Variants in MYO3A observed in about 807,000 individuals in gnomAD.
MYO3A encodes myosin IIIA, also known as myosin-IIIa.
A neutral mutation model predicts 192.7 loss-of-function variants in MYO3A; 180 were observed. The observed-to-expected ratio is 0.93, with a 90% CI of 0.83 to 1.06. MYO3A has a LOEUF of 1.06. Among genes scored for constraint, MYO3A ranks in the 50% least tolerant of loss-of-function variants. MYO3A has a pLI of 0.00. For missense variants in MYO3A, 1,896 were observed against 1,905.0 expected, an observed-to-expected ratio of 1.00 and a Z score of 0.09; for synonymous variants, 628 against 645.3, an observed-to-expected ratio of 0.97 and a Z score of 0.41.
At position 26,044,187 on chromosome 10, in the gene MYO3A, G is replaced by T. The variant is rs1843512618; in HGVS notation, c.953+17655G>T. Among the ~76,000 whole-genome samples the T allele has an allele frequency of 2.0e-5, 3 of 152,188 alleles. No homozygotes were observed. In the South Asian group the frequency reaches 6.2e-4, roughly 32 times the overall value. On this transcript the variant is annotated intron_variant, in intron 10 of 34. Transcript: ENST00000642920. ...TTACTATGGCTGAGCTGGTATTCAA[G>T]ATGCAAAACAAAGTCCTCTTTACTC...
intron 2 of MYO3A, among the ~76,000 whole-genome samples, chr10:25,937,711 C>A (rs1477651540): frequency 6.8e-6 from 1 of 147,566 alleles, no homozygotes; most frequent in African/African-American, 2.6e-5. Flanking sequence ...GTACTTTTAT[C>A]CTCATAAAGG....
chr10:26,157,191 A>G, intron 25 of MYO3A, 119 bp from the exon 26 acceptor site: 1 of 882,656 alleles, frequency 1.1e-6, no homozygotes. Flanking sequence ...ACTGTGACTA[A>G]TGGGAGCATT....
Position 25,997,175 on chromosome 10 carries a change from A to G in MYO3A, c.425A>G (p.His142Arg), listed in dbSNP as rs780960865. The G allele has an allele frequency of 4.3e-6, 7 of 1,613,240 alleles. No homozygotes were observed. The highest frequency in any genetic ancestry group is 5.9e-6 in the Non-Finnish European group (7 of 1,179,322). Reference protein sequence around the residue: ...HEALMGLQHLHNNKTIHRDVK... With the variant: ...HEALMGLQHLRNNKTIHRDVK... ...ATCTTCTAGGGACTTCAACATTTGC[A>G]TAACAACAAAACTATCCACAGAGAT... is the stretch of plus-strand genomic sequence containing the variant. The change falls in exon 6 of 35, where the codon CAT (histidine) becomes CGT (arginine). Residue 142 changes from histidine to arginine, a missense_variant. Physicochemically the swap from His to Arg is conservative, Grantham distance 29. Coordinates refer to ENST00000642920, the MANE Select transcript of MYO3A (RefSeq NM_017433.5).
intron 10 of MYO3A, among the ~76,000 whole-genome samples, chr10:26,045,622 G>A (rs534627061): frequency 7.9e-5 from 12 of 152,102 alleles, no homozygotes; most frequent in African/African-American, 2.4e-4. Context: ...ATAGTGTTGG[G>A]GTGCTTTAGG....
In MYO3A at chr10:26,173,848, T is replaced by C. The variant is rs35675577; in HGVS notation, c.3584T>C (p.Val1195Ala). Residue 1195 changes from valine (V) to alanine (A), a missense_variant, in exon 30 of 35, where the codon GTG (valine) becomes GCG (alanine). Val to Ala is a moderately conservative substitution (Grantham distance 64, BLOSUM62 0). Transcript: ENST00000642920. ...CAGACTCCAAAAAAAATGAATAATGTGTATGAGGAAGAGGTTAAGCAAGAA... is the reference window on the plus strand; with the variant it reads ...CAGACTCCAAAAAAAATGAATAATGCGTATGAGGAAGAGGTTAAGCAAGAA... ...VYQTPKKMNN[V>A]YEEEVKQEFY... is the part of the protein sequence containing the mutation. 363 of 1,613,798 alleles carry C rather than the reference T, an allele frequency of 2.2e-4. 5 individuals carry two copies. The East Asian group carries it at 7.1e-3, about 32-fold the overall frequency.
intron 4 of MYO3A, among the ~76,000 whole-genome samples, chr10:25,958,650 G>T (rs773964206): frequency 3.9e-5 from 6 of 152,154 alleles, no homozygotes; most frequent in Non-Finnish European, 7.3e-5. Flanking sequence ...AGTTTGATAA[G>T]AATAGCATTG....
At chr10:26,058,937 TG>T (rs1016964319) in intron 10 of MYO3A, among the ~76,000 whole-genome samples, 305 of 114,500 alleles carry the variant, frequency 2.7e-3, no homozygotes, top group Non-Finnish European at 4.8e-3. Context: ...AGTATTTCAT[TG>T]GGGGGTGCAA....
chr10:26,156,735 GT>G (rs1841148869), intron 25 of MYO3A, among the ~76,000 whole-genome samples: 1 of 151,962 alleles, frequency 6.6e-6, no homozygotes, highest in Non-Finnish European at 1.5e-5. Context: ...GTGCAGTTTG[GT>G]TATATAGGTG....
chr10:26,168,344 AT>A (rs61056934), intron 27 of MYO3A, among the ~76,000 whole-genome samples: 22,015 of 152,182 alleles, frequency 0.14, 1,791 homozygotes, highest in East Asian at 0.31. Context: ...GATTTTTTTA[AT>A]TTGGGAAATA....
chr10:26,193,268 C>T lies in MYO3A; in HGVS notation c.4502C>T (p.Thr1501Ile), dbSNP rs1360832917. ...RPPRRPRKPK[T>I]LNNPEDSTYY... ...CCAAGACGACCCCGGAAACCCAAAA[C>T]ATTAAATAACCCTGAAGACTCCACA... Residue 1501 changes from threonine (T) to isoleucine (I), a missense_variant, in exon 32 of 35, where the codon ACA becomes ATA. Transcript: ENST00000642920. The T allele has an allele frequency of 3.7e-6, 6 of 1,613,956 alleles. No homozygotes were observed. In the South Asian group the frequency reaches 4.4e-5, roughly 12 times the overall value.
At chr10:25,984,942 A>C (rs769764296) in intron 4 of MYO3A, among the ~76,000 whole-genome samples, 12 of 152,136 alleles carry the variant, frequency 7.9e-5, no homozygotes, top group Non-Finnish European at 1.6e-4. Context: ...TCCCTACTAC[A>C]TCAAAAAGTC....
chr10:26,183,151 A>C (rs1186003489), intron 31 of MYO3A, among the ~76,000 whole-genome samples: 1 of 152,168 alleles, frequency 6.6e-6, no homozygotes, highest in Non-Finnish European at 1.5e-5. Flanking sequence ...AGGCTGCTTT[A>C]TCCTCCTGCT....
At chr10:26,025,970 A>G (rs1318304503) in intron 9 of MYO3A, among the ~76,000 whole-genome samples, 2 of 152,226 alleles carry the variant, frequency 1.3e-5, no homozygotes, top group African/African-American at 4.8e-5. Flanking sequence ...GTGAAGGGAA[A>G]CTGCATTGTT....
intron 19 of MYO3A, 113 bp from the exon 20 acceptor site, chr10:26,128,278 T>C: frequency 1.9e-6 from 2 of 1,073,848 alleles, no homozygotes; most frequent in African/African-American, 1.6e-5. Flanking sequence ...ACTCTAAGTG[T>C]ATGTTCTTAT....
At chr10:26,172,374 A>T (rs139916819) in intron 29 of MYO3A, among the ~76,000 whole-genome samples, 20 of 152,272 alleles carry the variant, frequency 1.3e-4, no homozygotes, top group Non-Finnish European at 2.6e-4. Context: ...AGTCCTCCCC[A>T]CGCTGGAGCT....
chr10:26,067,869 G>A (rs12772112), intron 11 of MYO3A, among the ~76,000 whole-genome samples: 72,116 of 151,818 alleles, frequency 0.48, 17,919 homozygotes, highest in Middle Eastern at 0.59. Flanking sequence ...ACATGCCTGA[G>A]CATTTGACTC....
In MYO3A at chr10:25,947,612, C is replaced by T. The variant is rs373572904; in HGVS notation, c.-17-4482C>T. Reference sequence around the variant, plus strand: ...TTCTCCATGTTGGTCAGGCTGGTCTCGAACTCCCGACCTCAGGTGATCCAC... The same window carrying T: ...TTCTCCATGTTGGTCAGGCTGGTCTTGAACTCCCGACCTCAGGTGATCCAC... On this transcript the variant is annotated intron_variant, in intron 2 of 34. Coordinates refer to ENST00000642920, the MANE Select transcript of MYO3A (RefSeq NM_017433.5). Among the ~76,000 whole-genome samples, 505 of 151,988 alleles carry T rather than the reference C, an allele frequency of 3.3e-3. 3 individuals carry two copies. The highest frequency in any genetic ancestry group is 0.012 in the African/African-American group (485 of 41,446).
In MYO3A at chr10:26,157,389, G is replaced by C. The variant is rs746307707; in HGVS notation, c.2873G>C (p.Arg958Pro). Residue 958 changes from arginine (R) to proline (P), a missense_variant, in exon 26 of 35, where the codon CGT becomes CCT. Transcript: ENST00000642920. ...FVRCIKPNSE[R>P]QARKYDKEKV... ...CGTTGCATCAAACCAAATAGTGAGC[G>C]TCAGGCAAGAAAATATGACAAAGAG... 2 of 1,613,960 alleles carry C rather than the reference G, an allele frequency of 1.2e-6. No individual in the cohort carries two copies. Among genetic ancestry groups the C allele is most frequent in the African/African-American group, 2.7e-5 (2 of 74,898 alleles).
In MYO3A at chr10:26,212,371, C is replaced by T. The variant is rs1277741656; in HGVS notation, c.*408C>T. The T allele has an allele frequency of 5.7e-6, 2 of 350,326 alleles. No individual in the cohort carries two copies. The highest frequency in any genetic ancestry group is 1.0e-5 in the Non-Finnish European group (2 of 196,682). 21.7% of individuals were successfully genotyped at this position (350,326 alleles called of 1,614,324 possible). On this transcript the variant is annotated 3_prime_UTR_variant, in exon 35 of 35. Coordinates refer to ENST00000642920, the MANE Select transcript of MYO3A (RefSeq NM_017433.5). ...CACAGATTTTTTTTTTTATTGGAAA[C>T]GGCTTTTCTTGGCCAACAGAACACT...
Sources: gnomAD v4.1 joint callset for allele counts (sites outside exome capture counted in the v4.1 genomes callset) on GRCh38, gnomAD v4.1.1 for gene constraint, MANE v1.5 for transcripts, NCBI Gene and HGNC (gene_info 2026-07-23, HGNC 2026-07-21) for gene names.